Variants in MAML1 observed in about 807,000 individuals in gnomAD.
MAML1 encodes the protein mastermind like transcriptional coactivator 1, also known as mastermind-like protein 1.
In MAML1, 14 loss-of-function variants were observed where a neutral mutation model predicts 77.1. That is an observed-to-expected ratio of 0.18 (90% CI 0.12 to 0.28). MAML1 has a LOEUF of 0.28. Among genes scored for constraint, MAML1 ranks in the 10% least tolerant of loss-of-function variants. The pLI, the probability that MAML1 is intolerant of heterozygous loss-of-function variation, is 1.00. For missense variants in MAML1, 1,217 were observed against 1,327.8 expected, an observed-to-expected ratio of 0.92 and a Z score of 1.30; for synonymous variants, 516 against 551.9, an observed-to-expected ratio of 0.93 and a Z score of 0.91.
At position 179,774,135 on chromosome 5, in the gene MAML1, C is replaced by T. The variant is rs757818171; in HGVS notation, c.2309C>T (p.Pro770Leu). 5.6e-6 allele frequency: 9 copies of T among 1,613,532 alleles called. No individual in the cohort carries two copies. The highest frequency in any genetic ancestry group is 2.7e-5 in the African/African-American group (2 of 74,936). Residue 770 changes from proline (P) to leucine (L), a missense_variant, in exon 5 of 5, where the codon CCC becomes CTC. Pro to Leu is a moderately conservative substitution (Grantham distance 98). Transcript: ENST00000292599. ...GGCATAACCCAGATAGTTGCCCAGC[C>T]CCCGCCACAGGCCACCAATGGACAT... ...ASGITQIVAQPPPQATNGHAH... is the reference protein window; with the variant it reads ...ASGITQIVAQLPPQATNGHAH...
intron 1 of MAML1, among the ~76,000 whole-genome samples, chr5:179,738,877 C>G (rs763526814): frequency 1.8e-4 from 28 of 152,046 alleles, no homozygotes; most frequent in Non-Finnish European, 2.8e-4. Context: ...ACCTCCCAGG[C>G]TCAAGTGATC....
chr5:179,773,779 C>G (rs1756057927), intron 4 of MAML1, 116 bp from the exon 5 acceptor site: 16 of 1,504,290 alleles, frequency 1.1e-5, no homozygotes, highest in Non-Finnish European at 1.4e-5. Flanking sequence ...CCCATGGCCC[C>G]CGGGGCCCTC....
intron 1 of MAML1, among the ~76,000 whole-genome samples, chr5:179,752,339 AAAAAAAAAAAAATAT>A (rs1240818269): frequency 0.015 from 1,746 of 116,146 alleles, 61 homozygotes; most frequent in African/African-American, 0.054. Context: ...AAAAAAAAAA[AAAAAAAAAAAAATAT>A]ATATATATAT....
rs747083249 is a variant in MAML1 at position 179,751,127 on chromosome 5, C to T, written c.316-14199C>T. 8.5e-5 allele frequency among the ~76,000 whole-genome samples: 13 copies of T among 152,224 alleles called. No homozygotes were observed. The East Asian group carries it at 9.7e-4, about 11-fold the overall frequency. On this transcript the variant is annotated intron_variant, in intron 1 of 4. Transcript: ENST00000292599. ...TAGCTGGGACTACAGGCGCACACCA[C>T]GATGCGTAGCTAATTTTTTATTTTT...
intron 1 of MAML1, among the ~76,000 whole-genome samples, chr5:179,760,096 ATCAC>A (rs1248349722): frequency 2.0e-5 from 3 of 147,736 alleles, no homozygotes; most frequent in South Asian, 2.1e-4. Context: ...CATCTGAGTC[ATCAC>A]TCAAGTGGAC....
At chr5:179,749,890 G>A (rs912643062) in intron 1 of MAML1, among the ~76,000 whole-genome samples, 2 of 152,270 alleles carry the variant, frequency 1.3e-5, no homozygotes, top group Admixed American at 6.5e-5. Flanking sequence ...CAGGTCCAGC[G>A]CCTGGTCCCC....
rs1756098667 is a variant in MAML1, at chr5:179,774,814, G to A, written c.2988G>A (p.Leu996=). The stretch of plus-strand genomic sequence containing the variant: ...GACACACCGATCTGATCGACTCCCT[G>A]CTGAAGAACAGGACTTCAGAGGAGT... ...VAGHTDLIDS[L]LKNRTSEEWM... The change falls in exon 5 of 5, where the codon CTG becomes CTA. Residue 996 remains leucine, a synonymous_variant. Coordinates refer to ENST00000292599, the MANE Select transcript of MAML1 (RefSeq NM_014757.5). 3.1e-6 allele frequency: 5 copies of A among 1,613,916 alleles called. No individual in the cohort carries two copies. The South Asian group carries it at 5.5e-5, about 18-fold the overall frequency.
chr5:179,760,963 C>T (rs1229243584), intron 1 of MAML1, among the ~76,000 whole-genome samples: 1 of 151,950 alleles, frequency 6.6e-6, no homozygotes, highest in Non-Finnish European at 1.5e-5. Context: ...GGCGTGGTGG[C>T]AGGCGCCTGT....
chr5:179,748,759 GCTT>G (rs1250137048), intron 1 of MAML1, among the ~76,000 whole-genome samples: 2 of 152,170 alleles, frequency 1.3e-5, no homozygotes, highest in East Asian at 3.8e-4. Context: ...AGATTTACAA[GCTT>G]CTGGATGGGA....
In MAML1 at chr5:179,733,381, C is replaced by G. The variant is rs1779106010; in HGVS notation, c.269C>G (p.Pro90Arg). Residue 90 changes from proline (P) to arginine (R), a missense_variant, in exon 1 of 5, where the codon CCG becomes CGG. Physicochemically the swap from Pro to Arg is moderately radical, Grantham distance 103. Transcript: ENST00000292599. ...GCCCCGGCGCCCGCCGCCCCGGCCC[C>G]GCGCCTGGACGCCGCTGACGGCCCC... ...ATAPAPAAPAPRLDAADGPEH... is the reference protein window; with the variant it reads ...ATAPAPAAPARRLDAADGPEH... 5 of 1,196,222 alleles carry G rather than the reference C, an allele frequency of 4.2e-6. No homozygotes were observed. Among genetic ancestry groups the G allele is most frequent in the Middle Eastern group, 3.4e-4 (1 of 2,964 alleles). 74.1% of individuals were successfully genotyped at this position (1,196,222 alleles called of 1,614,324 possible).
At position 179,771,800 on chromosome 5, in the gene MAML1, C is replaced by T. The variant is rs545164038; in HGVS notation, c.2068+557C>T. On this transcript the variant is annotated intron_variant, in intron 4 of 4. Transcript: ENST00000292599. The surrounding 1 kb of genome is among the most constrained non-coding windows in gnomAD (Gnocchi z 4.7). ...TCCCTCCAGAAATGCACAAAGATTTCAGGGAATGGATACAGGAAGCTCTGG... is the reference window on the plus strand; with the variant it reads ...TCCCTCCAGAAATGCACAAAGATTTTAGGGAATGGATACAGGAAGCTCTGG... Among the ~76,000 whole-genome samples, 2 of 152,304 alleles carry T rather than the reference C, an allele frequency of 1.3e-5. No homozygotes were observed. Among genetic ancestry groups the T allele is most frequent in the East Asian group, 1.9e-4 (1 of 5,168 alleles).
Position 179,776,648 on chromosome 5 carries a change from G to A in MAML1, c.*1771G>A. On this transcript the variant is annotated 3_prime_UTR_variant, in exon 5 of 5. Coordinates refer to ENST00000292599, the MANE Select transcript of MAML1 (RefSeq NM_014757.5). The stretch of plus-strand genomic sequence containing the variant: ...TCAGCGGCTTTTCTCCCAAAAATCG[G>A]CTGAAGGCTGGTTGTGGATCCTTGT... 8.1e-6 allele frequency: 8 copies of A among 985,720 alleles called. No homozygotes were observed. The highest frequency in any genetic ancestry group is 9.6e-6 in the Non-Finnish European group (8 of 829,958). 61.1% of individuals were successfully genotyped at this position (985,720 alleles called of 1,614,324 possible).
chr5:179,765,863 G>T lies in MAML1; in HGVS notation c.853G>T (p.Gly285Cys), dbSNP rs780565545. ...FEEKKDPESS[G>C]SATQTPLAQD... ...GGAGAAGAAGGACCCAGAGTCTTCT[G>T]GCTCTGCCACACAAACCCCCTTGGC... Residue 285 changes from glycine to cysteine, a missense_variant, in exon 2 of 5, where the codon GGC becomes TGC. Gly to Cys is a radical substitution (Grantham distance 159). This residue lies in a region of MAML1 where 884 missense variants were observed against 949.3 expected (regional missense o/e 0.93). Coordinates refer to ENST00000292599, the MANE Select transcript of MAML1 (RefSeq NM_014757.5). 6.2e-7 allele frequency: 1 copy of T among 1,614,144 alleles called. No individual in the cohort carries two copies. Among genetic ancestry groups the T allele is most frequent in the East Asian group, 2.2e-5 (1 of 44,876 alleles).
At chr5:179,759,060 G>A (rs894578241) in intron 1 of MAML1, among the ~76,000 whole-genome samples, 20 of 152,138 alleles carry the variant, frequency 1.3e-4, no homozygotes. Context: ...TCACAGCACA[G>A]TTCATTTTTC....
At position 179,777,010 on chromosome 5, in the gene MAML1, A is replaced by G. The variant is rs1224814832; in HGVS notation, c.*2133A>G. 2.0e-6 allele frequency: 2 copies of G among 985,048 alleles called. No individual in the cohort carries two copies. Among genetic ancestry groups the G allele is most frequent in the Non-Finnish European group, 2.4e-6 (2 of 829,176 alleles). 61.0% of individuals were successfully genotyped at this position (985,048 alleles called of 1,614,324 possible). On this transcript the variant is annotated 3_prime_UTR_variant, in exon 5 of 5. Transcript: ENST00000292599. Reference sequence around the variant, plus strand: ...AATAAATGTTTACAATTTTATATGAAAGATGGAATAAGCGCTAGAGCTTCC... The same window carrying G: ...AATAAATGTTTACAATTTTATATGAGAGATGGAATAAGCGCTAGAGCTTCC...
intron 1 of MAML1, among the ~76,000 whole-genome samples, chr5:179,752,576 GT>G (rs1307767988): frequency 7.8e-6 from 1 of 129,030 alleles, no homozygotes; most frequent in Non-Finnish European, 1.6e-5. Flanking sequence ...ACTGTGTTGA[GT>G]TTAACACTTT....
At chr5:179,751,091 A>C (rs1169055991) in intron 1 of MAML1, among the ~76,000 whole-genome samples, 1 of 152,102 alleles carries the variant, frequency 6.6e-6, no homozygotes, top group Non-Finnish European at 1.5e-5. Context: ...CTCCTGTCTC[A>C]GCCTCCCGAG....
At chr5:179,770,858 T>A (rs1033521450) in intron 3 of MAML1, 7 of 303,734 alleles carry the variant, frequency 2.3e-5, no homozygotes, top group Non-Finnish European at 6.4e-6. Flanking sequence ...ATCATCTGAC[T>A]TTGATTCTGG....
In MAML1 at chr5:179,771,091, T is replaced by G; in HGVS notation, c.1972-56T>G. ...TTTTCTCTGACCTCCCTCACTCCCT[T>G]TGTTTTGGATTTTGTTATATGTTGG... On this transcript the variant is annotated intron_variant, in intron 3 of 4. Coordinates refer to ENST00000292599, the MANE Select transcript of MAML1 (RefSeq NM_014757.5). This position sits in a 1 kb window ranked among gnomAD's most constrained non-coding sequence, Gnocchi z 4.7. 2 of 1,373,062 alleles carry G rather than the reference T, an allele frequency of 1.5e-6. No individual in the cohort carries two copies. Among genetic ancestry groups the G allele is most frequent in the Non-Finnish European group, 2.1e-6 (2 of 961,202 alleles). 85.1% of individuals were successfully genotyped at this position (1,373,062 alleles called of 1,614,324 possible).
Sources: gnomAD v4.1 joint callset for allele counts (sites outside exome capture counted in the v4.1 genomes callset) on GRCh38, gnomAD v4.1.1 for gene constraint, gnomAD v4.1.1 regional missense constraint, Gnocchi (gnomAD v3.1) non-coding constraint, MANE v1.5 for transcripts, NCBI Gene and HGNC (gene_info 2026-07-23, HGNC 2026-07-21) for gene names.